Variants in TET1 observed in about 807,000 individuals in gnomAD.
TET1 encodes the protein methylcytosine dioxygenase TET1.
TET1 carries 13 observed loss-of-function variants against 148.7 expected under a neutral mutation model. The observed-to-expected ratio is 0.09, with a 90% CI of 0.06 to 0.14. TET1 has a LOEUF of 0.14. Among genes scored for constraint, TET1 ranks in the 10% least tolerant of loss-of-function variants. The pLI is 1.00. For missense variants in TET1, 2,182 were observed against 2,553.8 expected (o/e 0.85, Z 3.14); for synonymous variants, 907 against 937.2 (o/e 0.97, Z 0.59).
intron 3 of TET1, among the ~76,000 whole-genome samples, chr10:68,604,368 T>C (rs568144389): frequency 4.7e-4 from 72 of 152,170 alleles, no homozygotes; most frequent in Admixed American, 9.2e-4. Flanking sequence ...CTTTCAATAG[T>C]GTGGGAGGGT....
chr10:68,643,120 G>T (rs1191585641), intron 3 of TET1, among the ~76,000 whole-genome samples: 2 of 151,628 alleles, frequency 1.3e-5, no homozygotes, highest in African/African-American at 4.8e-5. Context: ...AATTAGCCAG[G>T]CATGGTGGTA....
chr10:68,663,909 C>T (rs1048247678), intron 6 of TET1, among the ~76,000 whole-genome samples: 4 of 152,120 alleles, frequency 2.6e-5, no homozygotes, highest in African/African-American at 4.8e-5. Flanking sequence ...GTCCAAGCCT[C>T]GAATATTCAA....
At chr10:68,684,017 C>A (rs1401517952) in intron 10 of TET1, among the ~76,000 whole-genome samples, 2 of 152,194 alleles carry the variant, frequency 1.3e-5, no homozygotes, top group Non-Finnish European at 2.9e-5. Context: ...AAAGCAAGAT[C>A]AATAGAGAGC....
At chr10:68,595,937 T>TAC (rs1564958752) in intron 2 of TET1, among the ~76,000 whole-genome samples, 35 of 37,668 alleles carry the variant, frequency 9.3e-4, no homozygotes, top group African/African-American at 3.0e-3. Flanking sequence ...TATATATATA[T>TAC]ATATATATAT....
chr10:68,646,509 G>A lies in TET1; in HGVS notation c.3780G>A (p.Leu1260=), dbSNP rs201269242. ...AGGAAAAGGTGAAGGTTGAACCATT[G>A]GATTCACTCAGCTTATTTCATCTTA... is the stretch of plus-strand genomic sequence containing the variant. ...SAEEKVKVEP[L]DSLSLFHLKT... is the part of the protein sequence containing the mutation. Residue 1260 remains leucine, a synonymous_variant, in exon 4 of 12, where the codon TTG becomes TTA. Coordinates refer to ENST00000373644, the MANE Select transcript of TET1 (RefSeq NM_030625.3). 1.1e-5 allele frequency: 18 copies of A among 1,613,978 alleles called. No individual in the cohort carries two copies. Among genetic ancestry groups the A allele is most frequent in the Non-Finnish European group, 1.5e-5 (18 of 1,180,016 alleles).
At chr10:68,602,126 A>G (rs941967939) in intron 3 of TET1, among the ~76,000 whole-genome samples, 4 of 152,212 alleles carry the variant, frequency 2.6e-5, no homozygotes, top group African/African-American at 9.6e-5. Context: ...TGTTTCATCA[A>G]CCAACAAGTA....
chr10:68,600,200 C>T (rs547243960), intron 2 of TET1, among the ~76,000 whole-genome samples: 1 of 152,186 alleles, frequency 6.6e-6, no homozygotes, highest in East Asian at 1.9e-4. Context: ...TTTCAGCAAG[C>T]CCAAATGCCC....
chr10:68,625,813 G>A (rs1240182929), intron 3 of TET1, among the ~76,000 whole-genome samples: 2 of 152,094 alleles, frequency 1.3e-5, no homozygotes, highest in Non-Finnish European at 2.9e-5. Flanking sequence ...TGAGCCAAGT[G>A]TAATGGCTCA....
At chr10:68,624,624 CTTTCTTTCTTTCTTTCTTTCTT>C (rs1295389604) in intron 3 of TET1, among the ~76,000 whole-genome samples, 141 of 36,042 alleles carry the variant, frequency 3.9e-3, no homozygotes, top group African/African-American at 0.022. Context: ...TTCTTTCTTT[CTTTCTTTCTTTCTTTCTTTCTT>C]TCTTTCTTTC....
intron 3 of TET1, among the ~76,000 whole-genome samples, chr10:68,639,016 T>G (rs1446264648): frequency 1.3e-5 from 2 of 152,080 alleles, no homozygotes; most frequent in African/African-American, 2.4e-5. Flanking sequence ...GGTAGGATGG[T>G]CCCAGAGCAA....
rs904372681 is a variant in TET1, at chr10:68,641,643, C to T, written c.1969-3055C>T. 7.6e-5 allele frequency among the ~76,000 whole-genome samples: 11 copies of T among 144,530 alleles called. No individual in the cohort carries two copies. The South Asian group carries it at 9.4e-4, about 12-fold the overall frequency. 94.8% of individuals were successfully genotyped at this position (144,530 alleles called of 152,430 possible). On this transcript the variant is annotated intron_variant, in intron 3 of 11. Transcript: ENST00000373644. ...CTTCTCGAGTACCTGGGACTACAGG[C>T]GTACGCCACCCTGCCCGGCTAATTT...
At position 68,645,606 on chromosome 10, in the gene TET1, G is replaced by C; in HGVS notation, c.2877G>C (p.Leu959Phe). The C allele has an allele frequency of 2.5e-6, 4 of 1,614,032 alleles. No homozygotes were observed. The highest frequency in any genetic ancestry group is 3.4e-6 in the Non-Finnish European group (4 of 1,180,000). The stretch of plus-strand genomic sequence containing the variant: ...CAAAACTTAATCACTGTCCATCTTT[G>C]GAAAAACAAAGTTCATGCAACACGG... ...EPPKLNHCPS[L>F]EKQSSCNTVV... is the part of the protein sequence containing the mutation. Residue 959 changes from leucine to phenylalanine, a missense_variant, in exon 4 of 12, where the codon TTG becomes TTC. Leu to Phe is a conservative substitution (Grantham distance 22). Coordinates refer to ENST00000373644, the MANE Select transcript of TET1 (RefSeq NM_030625.3).
chr10:68,639,746 G>T (rs940620408), intron 3 of TET1, among the ~76,000 whole-genome samples: 4 of 152,074 alleles, frequency 2.6e-5, no homozygotes, highest in African/African-American at 9.7e-5. Flanking sequence ...GAATACAGGC[G>T]TGAGCCACCA....
intron 11 of TET1, among the ~76,000 whole-genome samples, chr10:68,689,631 C>A (rs2055563115): frequency 6.6e-6 from 1 of 151,994 alleles, no homozygotes; most frequent in South Asian, 2.1e-4. Context: ...AAAAAATTAG[C>A]TGGGTGTGGT....
intron 1 of TET1, among the ~76,000 whole-genome samples, chr10:68,563,437 A>G (rs1264123691): frequency 6.6e-6 from 1 of 152,230 alleles, no homozygotes; most frequent in South Asian, 2.1e-4. Flanking sequence ...AGAGCCTTTA[A>G]GTTCTGTAGA....
intron 11 of TET1, among the ~76,000 whole-genome samples, chr10:68,688,393 CAGTTCTTTTGTCACAACCTCA>C (rs2055544440): frequency 6.7e-6 from 1 of 148,532 alleles, no homozygotes; most frequent in Non-Finnish European, 1.5e-5. Flanking sequence ...GCTGGCTTCT[CAGTTCTTTTGTCACAACCTCA>C]ATTGTCTTTT....
Position 68,683,097 on chromosome 10 carries a change from G to C in TET1, c.5052+124G>C. On this transcript the variant is annotated intron_variant, in intron 10 of 11. Coordinates refer to ENST00000373644, the MANE Select transcript of TET1 (RefSeq NM_030625.3). ...TTAATTTATGTGTTATTAGAAATAA[G>C]TGGAAAATAAAGTGAAAAAAAAGAA... is the stretch of plus-strand genomic sequence containing the variant. 5.1e-6 allele frequency: 6 copies of C among 1,181,690 alleles called. No homozygotes were observed. In the South Asian group the frequency reaches 9.6e-5, roughly 19 times the overall value. 73.2% of individuals were successfully genotyped at this position (1,181,690 alleles called of 1,614,324 possible). A position where few individuals can be genotyped will look rare whatever the true frequency, so the allele number is the denominator to read the frequency against.
chr10:68,599,857 G>A (rs2054032016), intron 2 of TET1, among the ~76,000 whole-genome samples: 1 of 152,180 alleles, frequency 6.6e-6, no homozygotes, highest in African/African-American at 2.4e-5. Flanking sequence ...AATGCCCAGA[G>A]CAAGAGAGAA....
At chr10:68,660,343 CTT>C (rs35395692) in intron 6 of TET1, among the ~76,000 whole-genome samples, 2 of 138,296 alleles carry the variant, frequency 1.4e-5, no homozygotes, top group Non-Finnish European at 1.5e-5. Flanking sequence ...TCTTCTTCTT[CTT>C]TTTTTTTTTT....
Sources: allele counts gnomAD v4.1 joint callset (sites outside exome capture counted in the v4.1 genomes callset), GRCh38; gene constraint gnomAD v4.1.1; transcripts MANE v1.5; gene names NCBI Gene and HGNC (gene_info 2026-07-23, HGNC 2026-07-21).